The following DLG2 variants were observed in gnomAD, a reference collection of about 807,000 sequenced individuals.
DLG2 encodes disks large homolog 2.
A neutral mutation model predicts 132.5 loss-of-function variants in DLG2; 45 were observed. That is an observed-to-expected ratio of 0.34 (90% confidence interval 0.27 to 0.44). The LOEUF (loss-of-function observed/expected upper bound fraction) is 0.44, where lower values mean the gene tolerates loss of function less well. DLG2 is among the 20% of genes least tolerant of loss of function. The probability of loss-of-function intolerance (pLI) is 1.00; values close to 1 mark genes in which losing one functional copy is unlikely to be tolerated. For synonymous variants in DLG2, 424 were observed against 419.6 expected (o/e 1.01, Z -0.13); for missense variants, 1,045 against 1,196.9 (o/e 0.87, Z 1.87).
intron 3 of DLG2, among the ~76,000 whole-genome samples, chr11:85,581,022 T>TG (rs1293867531): frequency 2.6e-5 from 4 of 151,904 alleles, no homozygotes; most frequent in East Asian, 1.9e-4. Context: ...GGTCCACTAA[T>TG]GGGGGGGCAC....
At chr11:83,473,439 C>T (rs3815986) in intron 22 of DLG2, among the ~76,000 whole-genome samples, 89,817 of 151,978 alleles carry the variant, frequency 0.59, 26,906 homozygotes, top group African/African-American at 0.65. Context: ...CCAATGTCAT[C>T]TGCTACAAGC....
chr11:85,399,469 C>G (rs917777065), intron 3 of DLG2, among the ~76,000 whole-genome samples: 6 of 150,828 alleles, frequency 4.0e-5, no homozygotes, highest in African/African-American at 1.5e-4. Flanking sequence ...GCCCGCATCA[C>G]CAAGTCAACC....
intron 4 of DLG2, among the ~76,000 whole-genome samples, chr11:85,279,816 T>C (rs755519323): frequency 6.6e-5 from 10 of 152,152 alleles, no homozygotes; most frequent in South Asian, 2.1e-4. Flanking sequence ...TACAATAGCA[T>C]GCACAGTTTA....
chr11:85,052,219 C>T (rs538308737), intron 6 of DLG2, among the ~76,000 whole-genome samples: 14 of 152,196 alleles, frequency 9.2e-5, no homozygotes, highest in South Asian at 2.1e-4. Flanking sequence ...AAAAATCAGA[C>T]GAGCATGGGA....
At chr11:83,749,764 C>T (rs1171360012) in intron 18 of DLG2, among the ~76,000 whole-genome samples, 1 of 152,070 alleles carries the variant, frequency 6.6e-6, no homozygotes, top group Non-Finnish European at 1.5e-5. Flanking sequence ...ATGTAGGGAC[C>T]TACACTGGGG....
chr11:84,566,566 G>A (rs1394047302), intron 6 of DLG2, among the ~76,000 whole-genome samples: 1 of 152,068 alleles, frequency 6.6e-6, no homozygotes, highest in Non-Finnish European at 1.5e-5. Flanking sequence ...ATATATAGAA[G>A]ATTTAAGCAC....
chr11:83,696,752 G>A (rs2082017706), intron 18 of DLG2, among the ~76,000 whole-genome samples: 1 of 152,152 alleles, frequency 6.6e-6, no homozygotes, highest in Non-Finnish European at 1.5e-5. Flanking sequence ...AGAGTATTGG[G>A]TCTGTCATAG....
intron 19 of DLG2, among the ~76,000 whole-genome samples, chr11:83,570,214 T>TG (rs536653216): frequency 6.6e-6 from 1 of 152,150 alleles, no homozygotes; most frequent in African/African-American, 2.4e-5. Flanking sequence ...AAGAGTCTAC[T>TG]GGGGGGCATC....
intron 4 of DLG2, among the ~76,000 whole-genome samples, chr11:85,184,956 T>G (rs753992539): frequency 1.3e-5 from 2 of 151,912 alleles, no homozygotes; most frequent in Non-Finnish European, 2.9e-5. Flanking sequence ...GGGTTGAAAT[T>G]TATGTATCTA....
At chr11:85,210,527 A>T (rs1326533948) in intron 4 of DLG2, among the ~76,000 whole-genome samples, 1 of 151,892 alleles carries the variant, frequency 6.6e-6, no homozygotes, top group Non-Finnish European at 1.5e-5. Context: ...TTTTTCATAC[A>T]CTTTTCTTAT....
intron 9 of DLG2, among the ~76,000 whole-genome samples, chr11:84,136,750 G>A (rs774415404): frequency 1.3e-5 from 2 of 152,246 alleles, no homozygotes; most frequent in African/African-American, 2.4e-5. Flanking sequence ...AGAGCTCTAC[G>A]TGGCATGGGA....
intron 6 of DLG2, among the ~76,000 whole-genome samples, chr11:84,803,790 C>T (rs750696433): frequency 3.3e-5 from 5 of 152,168 alleles, no homozygotes; most frequent in South Asian, 4.1e-4. Context: ...GCATTCTCTG[C>T]CACATCTTAA....
intron 6 of DLG2, among the ~76,000 whole-genome samples, chr11:84,852,331 T>G (rs183366826): frequency 6.6e-6 from 1 of 151,840 alleles, no homozygotes; most frequent in African/African-American, 2.4e-5. Context: ...AGGCACAACA[T>G]CAAGAAAACG....
At chr11:83,615,277 T>C (rs1469360403) in intron 19 of DLG2, among the ~76,000 whole-genome samples, 1 of 152,190 alleles carries the variant, frequency 6.6e-6, no homozygotes, top group Admixed American at 6.5e-5. Context: ...CAGGGCTATG[T>C]TGTGACAGGC....
chr11:84,429,113 G>A (rs1261573936), intron 7 of DLG2, among the ~76,000 whole-genome samples: 3 of 152,208 alleles, frequency 2.0e-5, no homozygotes, highest in Non-Finnish European at 4.4e-5. Flanking sequence ...TCACTTTGAA[G>A]GTGGACAGAG....
Position 83,459,901 on chromosome 11 carries a change from C to T in DLG2, c.2845G>A (p.Glu949Lys), listed in dbSNP as rs758988599. 5.6e-6 allele frequency: 9 copies of T among 1,600,900 alleles called. No homozygotes were observed. The highest frequency in any genetic ancestry group is 1.7e-5 in the Admixed American group (1 of 59,940). ...AGCTTGCATTGGTTATATATATCTT[C>T]TAAAGTATCTCCTTGGACAATAGCT... is the stretch of plus-strand genomic sequence containing the variant. ...FTAIVQGDTLEDIYNQCKLVI... is the reference protein window; with the variant it reads ...FTAIVQGDTLKDIYNQCKLVI... The change falls in exon 28 of 28, where the codon GAA becomes AAA. Residue 949 changes from glutamate to lysine, a missense_variant. Physicochemically the swap from Glu to Lys is moderately conservative, Grantham distance 56. This residue lies in a region of DLG2 where 398 missense variants were observed against 543.6 expected (regional missense o/e 0.73). Transcript: ENST00000376104.
At chr11:84,856,266 T>C (rs1793467107) in intron 6 of DLG2, among the ~76,000 whole-genome samples, 1 of 152,128 alleles carries the variant, frequency 6.6e-6, no homozygotes, top group South Asian at 2.1e-4. Context: ...TCATCAATGA[T>C]AAGGAGACTG....
chr11:84,463,271 T>A (rs866558097), intron 7 of DLG2, among the ~76,000 whole-genome samples: 5 of 151,146 alleles, frequency 3.3e-5, no homozygotes, highest in Admixed American at 6.6e-5. Flanking sequence ...ATGGGATGTA[T>A]CCTCTGAGAA....
chr11:84,700,871 G>A (rs575062249), intron 6 of DLG2, among the ~76,000 whole-genome samples: 1 of 151,680 alleles, frequency 6.6e-6, no homozygotes, highest in East Asian at 2.0e-4. Flanking sequence ...GCCCAACCTT[G>A]AACTTGCAGT....
Sources: allele counts gnomAD v4.1 joint callset (sites outside exome capture counted in the v4.1 genomes callset), GRCh38; gene constraint gnomAD v4.1.1; regional missense constraint gnomAD v4.1.1; transcripts MANE v1.5; gene names NCBI Gene and HGNC (gene_info 2026-07-23, HGNC 2026-07-21).